The following TPD52 variants were observed in gnomAD, a reference collection of about 807,000 sequenced individuals.
TPD52 encodes the protein prostate and colon associated protein.
A neutral mutation model predicts 31.3 loss-of-function variants in TPD52; 17 were observed. The observed-to-expected ratio is 0.54, with a 90% CI of 0.37 to 0.82. TPD52 has a LOEUF of 0.82. Ranked by LOEUF, TPD52 falls within the 40% of genes least tolerant of loss-of-function variation. The pLI is 0.00. For synonymous variants in TPD52, 83 were observed against 89.6 expected, an observed-to-expected ratio of 0.93 and a Z score of 0.42; for missense variants, 212 against 240.1, an observed-to-expected ratio of 0.88 and a Z score of 0.77.
chr8:80,159,589 G>A (rs923644170), intron 1 of TPD52, among the ~76,000 whole-genome samples: 18 of 152,142 alleles, frequency 1.2e-4, no homozygotes, highest in African/African-American at 4.3e-4. Flanking sequence ...GTCCCTTCAT[G>A]CCCTGTTTCA....
At chr8:80,068,230 AT>A (rs956977824) in intron 1 of TPD52, among the ~76,000 whole-genome samples, 3 of 151,928 alleles carry the variant, frequency 2.0e-5, no homozygotes, top group African/African-American at 7.3e-5. Context: ...CGAGAGGAGT[AT>A]TTTTTTTCCA....
chr8:80,070,122 G>A lies in TPD52; in HGVS notation c.20-5529C>T, dbSNP rs563045888. On this transcript the variant is annotated intron_variant, in intron 1 of 7. Coordinates refer to ENST00000518937, the MANE Select transcript of TPD52 (RefSeq NM_001025253.3). ...TTCAACTGGGGAAAGCAGCAAAAGC[G>A]TTTTTACTAAAAATGTAGAACCTAC... Among the ~76,000 whole-genome samples the A allele has an allele frequency of 3.7e-4, 56 of 152,060 alleles. 2 individuals are homozygous for A. Among genetic ancestry groups the A allele is most frequent in the Admixed American group, 2.7e-3 (41 of 15,252 alleles).
chr8:80,128,790 C>T (rs922491903), intron 1 of TPD52, among the ~76,000 whole-genome samples: 9 of 151,266 alleles, frequency 5.9e-5, no homozygotes, highest in Non-Finnish European at 4.4e-5. Context: ...ACAGTATTAC[C>T]ATTTCCATCA....
intron 1 of TPD52, among the ~76,000 whole-genome samples, chr8:80,080,155 A>G (rs1165640572): frequency 6.6e-6 from 1 of 152,252 alleles, no homozygotes; most frequent in Non-Finnish European, 1.5e-5. Context: ...TTAATGAGCC[A>G]TCTATCTCTG....
intron 1 of TPD52, among the ~76,000 whole-genome samples, chr8:80,107,786 G>A (rs1188291154): frequency 2.0e-5 from 3 of 151,978 alleles, no homozygotes; most frequent in Admixed American, 2.0e-4. Context: ...ATTTACATAA[G>A]TCTGTGGTAA....
At chr8:80,171,294 T>C in intron 1 of TPD52, 131 bp downstream of exon 1, 1 of 1,221,404 alleles carries the variant, frequency 8.2e-7, no homozygotes, top group African/African-American at 1.5e-5. Flanking sequence ...AGATGCAACT[T>C]GCGGCGCCGG....
At chr8:80,120,313 AC>A (rs764730692) in intron 1 of TPD52, among the ~76,000 whole-genome samples, 1 of 152,094 alleles carries the variant, frequency 6.6e-6, no homozygotes, top group Admixed American at 6.6e-5. Flanking sequence ...ACACGGCAAA[AC>A]CCTGTCTCTA....
At position 80,117,555 on chromosome 8, in the gene TPD52, T is replaced by C. The variant is rs114264384; in HGVS notation, c.20-52962A>G. Among the ~76,000 whole-genome samples the C allele has an allele frequency of 4.5e-3, 684 of 152,196 alleles. 6 individuals carry two copies. The highest frequency in any genetic ancestry group is 0.015 in the African/African-American group (632 of 41,522). On this transcript the variant is annotated intron_variant, in intron 1 of 7. Coordinates refer to ENST00000518937, the MANE Select transcript of TPD52 (RefSeq NM_001025253.3). ...AGACTTAATATTGTGGAGATGACAA[T>C]ACCTCTCAATCAATTTACAGATTCA...
At chr8:80,084,690 C>T (rs1353596074) in intron 1 of TPD52, among the ~76,000 whole-genome samples, 1 of 152,230 alleles carries the variant, frequency 6.6e-6, no homozygotes, top group Non-Finnish European at 1.5e-5. Flanking sequence ...AACATACCTA[C>T]TTTCTGACCA....
chr8:80,034,092 C>T (rs898961303), downstream of TPD52, among the ~76,000 whole-genome samples: 1 of 152,270 alleles, frequency 6.6e-6, no homozygotes, highest in African/African-American at 2.4e-5. Context: ...CTCCCATGCT[C>T]ACTGGTGCCC....
At chr8:80,049,441 A>C (rs1259452601) in intron 5 of TPD52, among the ~76,000 whole-genome samples, 1 of 152,198 alleles carries the variant, frequency 6.6e-6, no homozygotes, top group Non-Finnish European at 1.5e-5. Context: ...TTTTAGCTTT[A>C]AATAGTTCAA....
chr8:80,048,092 T>C (rs531299365), intron 5 of TPD52, among the ~76,000 whole-genome samples: 1 of 152,260 alleles, frequency 6.6e-6, no homozygotes, highest in East Asian at 1.9e-4. Context: ...AATATAAGCA[T>C]ATCACCTGAG....
At chr8:80,041,596 T>C (rs1393810464) in intron 7 of TPD52, among the ~76,000 whole-genome samples, 3 of 152,212 alleles carry the variant, frequency 2.0e-5, no homozygotes, top group Non-Finnish European at 2.9e-5. Flanking sequence ...TAAGAGTTGA[T>C]GATTTTATAG....
chr8:80,032,604 T>G (rs1463648003), downstream of TPD52: 1 of 152,256 alleles, frequency 6.6e-6, no homozygotes, highest in Non-Finnish European at 1.5e-5. Flanking sequence ...CCTAATACTT[T>G]ACAGCTACTG....
At chr8:80,061,237 T>G (rs1812490967) in intron 2 of TPD52, among the ~76,000 whole-genome samples, 1 of 151,862 alleles carries the variant, frequency 6.6e-6, no homozygotes, top group Admixed American at 6.6e-5. Context: ...AGTGGCACAT[T>G]CGTGTAATCC....
intron 1 of TPD52, among the ~76,000 whole-genome samples, chr8:80,086,612 A>T (rs1720775655): frequency 6.6e-6 from 1 of 152,016 alleles, no homozygotes; most frequent in African/African-American, 2.4e-5. Context: ...GGTGGCTCAC[A>T]CCTGTAATCC....
intron 1 of TPD52, among the ~76,000 whole-genome samples, chr8:80,084,281 G>T (rs771644162): frequency 1.3e-5 from 2 of 152,138 alleles, no homozygotes; most frequent in African/African-American, 2.4e-5. Flanking sequence ...CCCAGGCATG[G>T]GCCTGTGCTT....
chr8:80,126,170 T>C (rs1808583362), intron 1 of TPD52, among the ~76,000 whole-genome samples: 1 of 152,220 alleles, frequency 6.6e-6, no homozygotes, highest in Non-Finnish European at 1.5e-5. Context: ...TTTGCTCCAA[T>C]TAATTTCTGA....
At chr8:80,067,377 A>T (rs1813278271) in intron 1 of TPD52, 1 of 152,226 alleles carries the variant, frequency 6.6e-6, no homozygotes, top group Admixed American at 6.5e-5. Context: ...AAAATTAGAA[A>T]TTAAAGAACA....
Sources: gnomAD v4.1 joint callset for allele counts (sites outside exome capture counted in the v4.1 genomes callset) on GRCh38, gnomAD v4.1.1 for gene constraint, MANE v1.5 for transcripts, NCBI Gene and HGNC (gene_info 2026-07-23, HGNC 2026-07-21) for gene names.